PEX14: variants seen among roughly 807,000 people sequenced by gnomAD.
PEX14 encodes peroxisomal membrane protein PEX14.
PEX14 carries 15 observed loss-of-function variants against 49.5 expected under a neutral mutation model. The observed-to-expected ratio is 0.30, with a 90% CI of 0.20 to 0.47. The LOEUF is 0.47. Among genes scored for constraint, PEX14 ranks in the 20% least tolerant of loss-of-function variants. The pLI is 1.00. For synonymous variants in PEX14, 210 were observed against 212.7 expected (o/e 0.99, Z 0.11); for missense variants, 398 against 494.8 (o/e 0.80, Z 1.86).
intron 1 of PEX14, among the ~76,000 whole-genome samples, chr1:10,490,918 G>A (rs1557808514): frequency 6.6e-6 from 1 of 151,452 alleles, no homozygotes; most frequent in African/African-American, 2.4e-5. Flanking sequence ...TGCTCAGGCT[G>A]GTCTCGAACT....
intron 5 of PEX14, among the ~76,000 whole-genome samples, chr1:10,619,471 C>T (rs1432222162): frequency 1.3e-5 from 2 of 152,042 alleles, no homozygotes; most frequent in African/African-American, 4.8e-5. Flanking sequence ...CGTGCTGGTG[C>T]ATGCCTGGCT....
chr1:10,503,307 G>GAAAAAAAAAAAAAAAAAAAAAAA (rs1641719202), intron 2 of PEX14, among the ~76,000 whole-genome samples: 1 of 67,036 alleles, frequency 1.5e-5, no homozygotes, highest in Non-Finnish European at 3.3e-5. Context: ...AAAAAAAAAA[G>GAAAAAAAAAAAAAAAAAAAAAAA]AAAGAAAGAA....
intron 3 of PEX14, among the ~76,000 whole-genome samples, chr1:10,595,458 G>A (rs900991313): frequency 6.6e-6 from 1 of 152,186 alleles, no homozygotes; most frequent in African/African-American, 2.4e-5. Flanking sequence ...AGACTGGGTG[G>A]CTGGGGGTTG....
At chr1:10,475,579 G>A (rs1570118842) in intron 1 of PEX14, among the ~76,000 whole-genome samples, 2 of 152,288 alleles carry the variant, frequency 1.3e-5, no homozygotes, top group South Asian at 2.1e-4. Context: ...CAAGCTTTTG[G>A]CTGAGGACCC....
At chr1:10,562,534 G>T (rs1376798122) in intron 3 of PEX14, among the ~76,000 whole-genome samples, 1 of 152,072 alleles carries the variant, frequency 6.6e-6, no homozygotes. Flanking sequence ...TACTTAATTT[G>T]GATTTATCTG....
chr1:10,563,926 A>AG (rs1291342412), intron 3 of PEX14, among the ~76,000 whole-genome samples: 1 of 151,578 alleles, frequency 6.6e-6, no homozygotes, highest in East Asian at 1.9e-4. Context: ...AGAAAAAAAA[A>AG]AAGTTATTTC....
intron 4 of PEX14, among the ~76,000 whole-genome samples, chr1:10,606,152 A>G (rs1404440424): frequency 6.6e-6 from 1 of 152,216 alleles, no homozygotes; most frequent in Non-Finnish European, 1.5e-5. Flanking sequence ...ATTTTTCTCT[A>G]TTACATAAAT....
intron 2 of PEX14, among the ~76,000 whole-genome samples, chr1:10,516,489 C>T (rs532109654): frequency 2.6e-5 from 4 of 152,298 alleles, no homozygotes; most frequent in Admixed American, 6.5e-5. Context: ...TTGCCAGGTC[C>T]GTGGGAGTCT....
At chr1:10,571,781 C>T (rs1020219241) in intron 3 of PEX14, among the ~76,000 whole-genome samples, 1 of 152,090 alleles carries the variant, frequency 6.6e-6, no homozygotes, top group African/African-American at 2.4e-5. Context: ...TGCACTCCAG[C>T]CCGGGCAACA....
chr1:10,542,090 T>G lies in PEX14; in HGVS notation c.169+5793T>G, dbSNP rs58423503. 3.2e-4 allele frequency among the ~76,000 whole-genome samples: 32 copies of G among 100,416 alleles called. No homozygotes were observed. In the South Asian group the frequency reaches 0.011, roughly 33 times the overall value. The allele number at this position is 100,416 out of a possible 152,430, so 65.9% of individuals were successfully genotyped here. A position where few individuals can be genotyped will look rare whatever the true frequency, so the allele number is the denominator to read the frequency against. ...ATTGGCATGTATTAGTAAAAAAAAA[T>G]TTTTTTTACTTTTTGAAAAGGTAAG... On this transcript the variant is annotated intron_variant, in intron 3 of 8. Coordinates refer to ENST00000356607, the MANE Select transcript of PEX14 (RefSeq NM_004565.3).
intron 3 of PEX14, among the ~76,000 whole-genome samples, chr1:10,593,201 A>T (rs1390994997): frequency 6.6e-6 from 1 of 152,006 alleles, no homozygotes. Context: ...GTTCACTGGG[A>T]TAAGGAGGGA....
chr1:10,526,941 G>A (rs1006441141), intron 2 of PEX14, among the ~76,000 whole-genome samples: 10 of 152,098 alleles, frequency 6.6e-5, no homozygotes, highest in African/African-American at 2.2e-4. Context: ...GGCTGGACAC[G>A]GTGGCCCACA....
intron 4 of PEX14, among the ~76,000 whole-genome samples, chr1:10,606,460 T>G (rs284281): frequency 0.88 from 133,507 of 152,158 alleles, 58,761 homozygotes; most frequent in Middle Eastern, 0.95. Flanking sequence ...CCTGATCTCG[T>G]CAGCACATGT....
chr1:10,561,306 G>A (rs7519424), intron 3 of PEX14, among the ~76,000 whole-genome samples: 93,613 of 152,040 alleles, frequency 0.62, 30,064 homozygotes, highest in Admixed American at 0.7. Flanking sequence ...GGGGACAGTC[G>A]GGGCTTGTGC....
intron 2 of PEX14, among the ~76,000 whole-genome samples, chr1:10,525,912 C>T (rs1331619683): frequency 6.6e-6 from 1 of 151,340 alleles, no homozygotes; most frequent in Non-Finnish European, 1.5e-5. Flanking sequence ...GCGTGAGCCA[C>T]TGCGCCTGGC....
At chr1:10,603,953 G>C (rs1047703992) in intron 4 of PEX14, among the ~76,000 whole-genome samples, 1 of 152,252 alleles carries the variant, frequency 6.6e-6, no homozygotes, top group Admixed American at 6.5e-5. Context: ...TCCTGAGAGA[G>C]AGTGAGTTAT....
At position 10,628,594 on chromosome 1, in the gene PEX14, A is replaced by C. The variant is rs1028189977; in HGVS notation, c.678-937A>C. On this transcript the variant is annotated intron_variant, in intron 8 of 8. Coordinates refer to ENST00000356607, the MANE Select transcript of PEX14 (RefSeq NM_004565.3). This position sits in a 1 kb window ranked among gnomAD's most constrained non-coding sequence, Gnocchi z 4.5. ...ACAGCCTCCATTTTCCCTAACCGAG[A>C]CCAGTGCCTTGGAGGCTGGGGATGG... Among the ~76,000 whole-genome samples the C allele has an allele frequency of 4.6e-5, 7 of 152,248 alleles. No individual in the cohort carries two copies. The highest frequency in any genetic ancestry group is 1.0e-4 in the Non-Finnish European group (7 of 68,042).
chr1:10,516,753 A>G (rs914791755), intron 2 of PEX14, among the ~76,000 whole-genome samples: 3 of 152,258 alleles, frequency 2.0e-5, no homozygotes, highest in African/African-American at 7.2e-5. Context: ...CAGAACAGCC[A>G]GAAGGAAAAC....
chr1:10,500,758 A>G (rs1272809807), intron 2 of PEX14, among the ~76,000 whole-genome samples: 1 of 152,138 alleles, frequency 6.6e-6, no homozygotes, highest in East Asian at 1.9e-4. Flanking sequence ...TATTTTTAGC[A>G]AAGACGGGGT....
Sources: allele counts gnomAD v4.1 joint callset (sites outside exome capture counted in the v4.1 genomes callset), GRCh38; gene constraint gnomAD v4.1.1; non-coding constraint Gnocchi (gnomAD v3.1); transcripts MANE v1.5; gene names NCBI Gene and HGNC (gene_info 2026-07-23, HGNC 2026-07-21).